The following KMT2C variants were observed in gnomAD, a reference collection of about 807,000 sequenced individuals.
KMT2C encodes the protein histone-lysine N-methyltransferase 2C.
A neutral mutation model predicts 507.9 loss-of-function variants in KMT2C; 88 were observed. The ratio of observed to expected loss-of-function variants is 0.17; its 90% CI spans 0.15 to 0.21. The LOEUF is 0.21. KMT2C is among the 10% of genes least tolerant of loss of function. The probability of loss-of-function intolerance (pLI) is 1.00; values close to 1 mark genes in which losing one functional copy is unlikely to be tolerated. For synonymous variants in KMT2C, 2,049 were observed against 2,080.8 expected (o/e 0.98, Z 0.42); for missense variants, 4,954 against 5,957.8 (o/e 0.83, Z 5.55).
chr7:152,180,930 AGAC>A lies in KMT2C; in HGVS notation c.6927_6929del (p.Gln2309_Ser2310delinsHis), dbSNP rs746132184. 5 of 1,614,076 alleles carry A rather than the reference AGAC, an allele frequency of 3.1e-6. No individual in the cohort carries two copies. Among genetic ancestry groups the A allele is most frequent in the Non-Finnish European group, 4.2e-6 (5 of 1,180,034 alleles). ...CAGTTTGACTTGTTCCAAAAGAGTCAGACTGAGATCTTGGAGTCATTGGAGACT... is the reference window on the plus strand; with the variant it reads ...CAGTTTGACTTGTTCCAAAAGAGTCATGAGATCTTGGAGTCATTGGAGACT... On this transcript the variant is annotated inframe_deletion, in exon 36 of 59. Transcript: ENST00000262189.
intron 45 of KMT2C, 53 bp from the exon 46 acceptor site, chr7:152,156,110 T>C (rs2092028071): frequency 6.3e-7 from 1 of 1,595,164 alleles, no homozygotes. Context: ...TATTGATAAA[T>C]GGGTAGAACT....
At chr7:152,330,169 T>TGGGGGGGG (rs376494504) in intron 3 of KMT2C, among the ~76,000 whole-genome samples, 6 of 40,996 alleles carry the variant, frequency 1.5e-4, no homozygotes, top group Non-Finnish European at 2.5e-4. Flanking sequence ...GGAGGGGTGG[T>TGGGGGGGG]GGGGGGGGGG....
intron 1 of KMT2C, among the ~76,000 whole-genome samples, chr7:152,398,534 A>G (rs1040189711): frequency 6.6e-6 from 1 of 152,142 alleles, no homozygotes; most frequent in East Asian, 1.9e-4. Context: ...CAGGGAAAAG[A>G]GGGTCTTTCA....
chr7:152,413,986 C>T (rs185627198), intron 1 of KMT2C, among the ~76,000 whole-genome samples: 12 of 151,532 alleles, frequency 7.9e-5, no homozygotes, highest in Admixed American at 1.3e-4. Flanking sequence ...CCAAGGCGGG[C>T]GGACCACTAG....
intron 2 of KMT2C, among the ~76,000 whole-genome samples, chr7:152,343,502 G>T (rs367984192): frequency 4.7e-5 from 7 of 148,212 alleles, no homozygotes; most frequent in African/African-American, 1.5e-4. Context: ...CTACAAAAAG[G>T]TAACATGTAA....
intron 1 of KMT2C, among the ~76,000 whole-genome samples, chr7:152,432,094 T>C (rs1381970994): frequency 6.6e-6 from 1 of 152,134 alleles, no homozygotes; most frequent in Non-Finnish European, 1.5e-5. Flanking sequence ...TCTCTAATAA[T>C]AGCAATTGCC....
chr7:152,411,533 AG>A (rs1168344775), intron 1 of KMT2C, among the ~76,000 whole-genome samples: 2 of 152,090 alleles, frequency 1.3e-5, no homozygotes, highest in Non-Finnish European at 2.9e-5. Context: ...GAGAAAGAGG[AG>A]GGGGAAGAAG....
At chr7:152,277,104 A>T (rs1382956006) in intron 6 of KMT2C, among the ~76,000 whole-genome samples, 1 of 152,220 alleles carries the variant, frequency 6.6e-6, no homozygotes, top group Non-Finnish European at 1.5e-5. Context: ...TTGTATCATA[A>T]AAAAATACCA....
chr7:152,411,017 T>G (rs1315727585), intron 1 of KMT2C, among the ~76,000 whole-genome samples: 1 of 150,910 alleles, frequency 6.6e-6, no homozygotes, highest in Non-Finnish European at 1.5e-5. Flanking sequence ...AAAATATATA[T>G]ATGGTGTGTG....
intron 1 of KMT2C, chr7:152,367,888 T>A: frequency 4.7e-6 from 5 of 1,073,152 alleles, no homozygotes; most frequent in Non-Finnish European, 7.2e-6. Flanking sequence ...ATTGAGTTTA[T>A]GAAGCGTTCG....
At chr7:152,214,671 A>G (rs2129142377) in intron 23 of KMT2C, among the ~76,000 whole-genome samples, 1 of 152,332 alleles carries the variant, frequency 6.6e-6, no homozygotes, top group Admixed American at 6.5e-5. Context: ...AACCGGGAGG[A>G]AAGTATACTA....
chr7:152,348,024 A>C (rs1281199425), intron 2 of KMT2C, among the ~76,000 whole-genome samples: 1 of 152,172 alleles, frequency 6.6e-6, no homozygotes, highest in African/African-American at 2.4e-5. Flanking sequence ...ATCACTACAG[A>C]TCCCATGGAA....
intron 46 of KMT2C, 65 bp downstream of exon 46, chr7:152,155,845 C>T: frequency 7.5e-6 from 11 of 1,461,858 alleles, no homozygotes; most frequent in South Asian, 1.3e-5. Flanking sequence ...ATGCCACATA[C>T]ATACATTTAT....
chr7:152,234,274 C>A (rs183670379), intron 16 of KMT2C, among the ~76,000 whole-genome samples: 2 of 152,034 alleles, frequency 1.3e-5, no homozygotes, highest in East Asian at 3.9e-4. Context: ...CCCAGCTACC[C>A]AGGGGGCTGA....
chr7:152,162,060 TG>T, intron 43 of KMT2C, 56 bp downstream of exon 43: 1 of 1,482,486 alleles, frequency 6.7e-7, no homozygotes, highest in Non-Finnish European at 8.9e-7. Flanking sequence ...ACTAATCTGC[TG>T]TAAGTATAAT....
chr7:152,388,672 C>T (rs1182518791), intron 1 of KMT2C, among the ~76,000 whole-genome samples: 10 of 152,352 alleles, frequency 6.6e-5, no homozygotes, highest in Non-Finnish European at 1.0e-4. Flanking sequence ...GATTGTATGG[C>T]GAAAAAACAC....
At chr7:152,271,209 G>A (rs1159485343) in intron 7 of KMT2C, among the ~76,000 whole-genome samples, 2 of 152,016 alleles carry the variant, frequency 1.3e-5, no homozygotes, top group Non-Finnish European at 2.9e-5. Context: ...ATTAACTTCT[G>A]CCATGACACA....
chr7:152,199,221 G>T, intron 27 of KMT2C, 58 bp downstream of exon 27: 1 of 1,353,594 alleles, frequency 7.4e-7, no homozygotes, highest in Non-Finnish European at 1.0e-6. Context: ...AGATTTAACT[G>T]AAAGGAAGAT....
At chr7:152,310,368 G>C (rs952970363) in intron 5 of KMT2C, among the ~76,000 whole-genome samples, 2 of 152,122 alleles carry the variant, frequency 1.3e-5, no homozygotes, top group African/African-American at 4.8e-5. Context: ...TTGAGGCTGG[G>C]AACTTGAGAC....
Sources: gnomAD v4.1 joint callset for allele counts (sites outside exome capture counted in the v4.1 genomes callset) on GRCh38, gnomAD v4.1.1 for gene constraint, MANE v1.5 for transcripts, NCBI Gene and HGNC (gene_info 2026-07-23, HGNC 2026-07-21) for gene names.